CYP2C19: variants seen among roughly 807,000 people sequenced by gnomAD.
The protein encoded by CYP2C19 is cytochrome P450 2C19.
In CYP2C19, 59 loss-of-function variants were observed where a neutral mutation model predicts 40.9. The observed-to-expected ratio is 1.44, with a 90% CI of 1.17 to 1.79. The LOEUF is 1.79. Ranked by LOEUF, CYP2C19 falls within the 40% of genes most tolerant of loss-of-function variation. The pLI is 0.00. For missense variants in CYP2C19, 754 were observed against 596.9 expected, an observed-to-expected ratio of 1.26 and a Z score of -2.74; for synonymous variants, 253 against 208.7, an observed-to-expected ratio of 1.21 and a Z score of -1.83.
In CYP2C19 at chr10:94,854,811, G is replaced by T. The variant is rs893811670; in HGVS notation, c.*1897G>T. On this transcript the variant is annotated 3_prime_UTR_variant, in exon 9 of 9. Transcript: ENST00000371321. Reference sequence around the variant, plus strand: ...AATATGCCAGCAAAACCTCTAAGGTGATAGAAACATAGGCAAATAATTCAG... The same window carrying T: ...AATATGCCAGCAAAACCTCTAAGGTTATAGAAACATAGGCAAATAATTCAG... Among the ~76,000 whole-genome samples, 48 of 152,108 alleles carry T rather than the reference G, an allele frequency of 3.2e-4. No individual in the cohort carries two copies. Among genetic ancestry groups the T allele is most frequent in the African/African-American group, 1.2e-3 (48 of 41,410 alleles).
At chr10:94,790,050 G>T (rs1848586455) in intron 5 of CYP2C19, among the ~76,000 whole-genome samples, 2 of 152,094 alleles carry the variant, frequency 1.3e-5, no homozygotes, top group South Asian at 4.1e-4. Context: ...TCCTTGAAGA[G>T]GTCCTTCACA....
At chr10:94,774,195 C>G (rs1432253357) in intron 1 of CYP2C19, 1 of 152,038 alleles carries the variant, frequency 6.6e-6, no homozygotes, top group African/African-American at 2.4e-5. Flanking sequence ...ATTTGCAAGG[C>G]AGAATAATAG....
chr10:94,797,022 C>A (rs936068339), intron 5 of CYP2C19, among the ~76,000 whole-genome samples: 6 of 152,062 alleles, frequency 3.9e-5, no homozygotes, highest in Non-Finnish European at 7.4e-5. Flanking sequence ...GAACTTCCAA[C>A]ACTGCGTTGA....
At chr10:94,798,675 G>A (rs918475177) in intron 5 of CYP2C19, among the ~76,000 whole-genome samples, 4 of 152,026 alleles carry the variant, frequency 2.6e-5, no homozygotes, top group Admixed American at 6.6e-5. Flanking sequence ...GGGTGCTCCT[G>A]TATTGGGTGC....
At chr10:94,770,508 A>G (rs748526093) in intron 1 of CYP2C19, among the ~76,000 whole-genome samples, 22 of 151,882 alleles carry the variant, frequency 1.4e-4, no homozygotes, top group Non-Finnish European at 1.3e-4. Context: ...TCCTCTTGGT[A>G]CCTATTATAG....
intron 6 of CYP2C19, among the ~76,000 whole-genome samples, chr10:94,820,997 C>T (rs945447598): frequency 3.9e-5 from 6 of 152,018 alleles, no homozygotes; most frequent in African/African-American, 1.2e-4. Context: ...GCATGGGAAT[C>T]GCTTGAACCC....
chr10:94,838,666 T>C (rs1743677782), intron 6 of CYP2C19, among the ~76,000 whole-genome samples: 1 of 152,004 alleles, frequency 6.6e-6, no homozygotes, highest in Admixed American at 6.6e-5. Context: ...GGGATCCTTG[T>C]TAGCTGGGGA....
intron 7 of CYP2C19, among the ~76,000 whole-genome samples, chr10:94,847,119 C>T (rs56944168): frequency 0.022 from 3,292 of 151,712 alleles, 115 homozygotes; most frequent in African/African-American, 0.074. Flanking sequence ...GGTACATGTG[C>T]ACAACGTGCA....
At chr10:94,805,935 T>C (rs1052799139) in intron 5 of CYP2C19, among the ~76,000 whole-genome samples, 1 of 152,170 alleles carries the variant, frequency 6.6e-6, no homozygotes, top group African/African-American at 2.4e-5. Flanking sequence ...TATCACTTGC[T>C]CCGAAATTTA....
chr10:94,780,699 G>A lies in CYP2C19; in HGVS notation c.642+40G>A, dbSNP rs200025269. 4.3e-6 allele frequency: 7 copies of A among 1,609,344 alleles called. No homozygotes were observed. In the East Asian group the frequency reaches 1.3e-4, roughly 31 times the overall value. Reference sequence around the variant, plus strand: ...TTTGCTTCCTGAGAAACCACTTACAGTCTTTTTTTCTGGGAAATCCAAAAT... The same window carrying A: ...TTTGCTTCCTGAGAAACCACTTACAATCTTTTTTTCTGGGAAATCCAAAAT... On this transcript the variant is annotated intron_variant, in intron 4 of 8. Transcript: ENST00000371321.
rs553415821 is a variant in CYP2C19 at position 94,774,550 on chromosome 10, A to G, written c.169-508A>G. ...TTTGGGAGTTCTAGGTGGATTCCAT[A>G]GAGAGGTGCTTTTACTATAAATGCT... On this transcript the variant is annotated intron_variant, in intron 1 of 8. Transcript: ENST00000371321. 255 of 165,902 alleles carry G rather than the reference A, an allele frequency of 1.5e-3. 1 individual carries two copies. The highest frequency in any genetic ancestry group is 2.6e-3 in the Non-Finnish European group (202 of 76,364). 10.3% of individuals were successfully genotyped at this position (165,902 alleles called of 1,614,324 possible).
chr10:94,834,227 A>G (rs1353963718), intron 6 of CYP2C19, among the ~76,000 whole-genome samples: 1 of 152,118 alleles, frequency 6.6e-6, no homozygotes, highest in East Asian at 1.9e-4. Context: ...TTCAATCTCA[A>G]TAGGTCATAT....
intron 4 of CYP2C19, among the ~76,000 whole-genome samples, chr10:94,780,978 A>T (rs1204766864): frequency 1.3e-5 from 2 of 152,156 alleles, no homozygotes; most frequent in African/African-American, 2.4e-5. Context: ...ATGGACATCC[A>T]GGCACTTTGG....
chr10:94,774,691 T>A, intron 1 of CYP2C19: 1 of 221,016 alleles, frequency 4.5e-6, no homozygotes, highest in South Asian at 7.3e-5. Flanking sequence ...GCATGAGTGT[T>A]TGAATAAGTG....
At chr10:94,790,018 G>C (rs145950182) in intron 5 of CYP2C19, among the ~76,000 whole-genome samples, 9 of 151,932 alleles carry the variant, frequency 5.9e-5, no homozygotes, top group African/African-American at 1.7e-4. Context: ...CTTTTATTTC[G>C]TTGAGCAGTG....
At chr10:94,801,220 G>A (rs1230110424) in intron 5 of CYP2C19, among the ~76,000 whole-genome samples, 2 of 152,164 alleles carry the variant, frequency 1.3e-5, no homozygotes, top group Admixed American at 1.3e-4. Flanking sequence ...GCTTTCTCTT[G>A]TGGACATTTA....
intron 3 of CYP2C19, among the ~76,000 whole-genome samples, chr10:94,777,575 G>T (rs1304237874): frequency 1.3e-5 from 2 of 152,120 alleles, no homozygotes; most frequent in Non-Finnish European, 2.9e-5. Flanking sequence ...TTAATAAATG[G>T]TGTTGGACAA....
Position 94,854,132 on chromosome 10 carries a change from C to T in CYP2C19, c.*1218C>T, listed in dbSNP as rs952531077. On this transcript the variant is annotated 3_prime_UTR_variant, in exon 9 of 9. Coordinates refer to ENST00000371321, the MANE Select transcript of CYP2C19 (RefSeq NM_000769.4). Reference sequence around the variant, plus strand: ...CTCCTGGATTCAAGTGGTTCTCCTGCCTCAGCCCCCCAAGTAGCTGGGATT... The same window carrying T: ...CTCCTGGATTCAAGTGGTTCTCCTGTCTCAGCCCCCCAAGTAGCTGGGATT... Among the ~76,000 whole-genome samples, 2 of 151,958 alleles carry T rather than the reference C, an allele frequency of 1.3e-5. No homozygotes were observed. Among genetic ancestry groups the T allele is most frequent in the African/African-American group, 2.4e-5 (1 of 41,360 alleles).
intron 5 of CYP2C19, among the ~76,000 whole-genome samples, chr10:94,789,562 T>C (rs1228920513): frequency 6.6e-6 from 1 of 152,162 alleles, no homozygotes; most frequent in East Asian, 1.9e-4. Context: ...TTTCTCCATA[T>C]GGTTAGCCAG....
Sources: allele counts gnomAD v4.1 joint callset (sites outside exome capture counted in the v4.1 genomes callset), GRCh38; gene constraint gnomAD v4.1.1; transcripts MANE v1.5; gene names NCBI Gene and HGNC (gene_info 2026-07-23, HGNC 2026-07-21).